Variants in SELENBP1 observed in about 807,000 individuals in gnomAD.
SELENBP1 encodes the protein methanethiol oxidase.
In SELENBP1, 71 loss-of-function variants were observed where a neutral mutation model predicts 61.0. The ratio of observed to expected loss-of-function variants is 1.16; its 90% CI spans 0.96 to 1.42. SELENBP1 has a LOEUF of 1.42. SELENBP1 is among the 40% of genes most tolerant of loss of function. The pLI is 0.00. For missense variants in SELENBP1, 561 were observed against 605.0 expected (o/e 0.93, Z 0.76); for synonymous variants, 270 against 238.9 (o/e 1.13, Z -1.20).
chr1:151,366,962 C>A, intron 5 of SELENBP1, 58 bp from the exon 6 acceptor site: 1 of 1,575,108 alleles, frequency 6.3e-7, no homozygotes, highest in Non-Finnish European at 8.6e-7. Flanking sequence ...TAACCCCACC[C>A]TCCAGCCCTC....
chr1:151,366,142 G>C (rs1651801682), intron 7 of SELENBP1, 133 bp downstream of exon 7: 2 of 1,112,388 alleles, frequency 1.8e-6, no homozygotes, highest in African/African-American at 1.6e-5. Context: ...CTAGCACTGA[G>C]AGAAGAGAGA....
At position 151,366,855 on chromosome 1, in the gene SELENBP1, C is replaced by T; in HGVS notation, c.531G>A (p.Trp177Ter). ...ACGGTGCAGCACCCCCAGGTCTCTCCCATGTCCCCTTCACCTCGAACGTCT... is the reference window on the plus strand; with the variant it reads ...ACGGTGCAGCACCCCCAGGTCTCTCTCATGTCCCCTTCACCTCGAACGTCT... Reference protein sequence around the residue: ...DGETFEVKGTWERPGGAAPLG... With the variant: ...DGETFEVKGT Residue 177 changes from tryptophan to a stop codon, truncating the protein, a stop_gained, in exon 6 of 12, where the codon TGG becomes TGA. Coordinates refer to ENST00000368868, the MANE Select transcript of SELENBP1 (RefSeq NM_003944.4). LOFTEE classifies it high-confidence loss of function. The T allele has an allele frequency of 6.2e-7, 1 of 1,614,174 alleles. No individual in the cohort carries two copies. The highest frequency in any genetic ancestry group is 8.5e-7 in the Non-Finnish European group (1 of 1,180,030).
rs141611452 is a variant in SELENBP1 at position 151,366,277 on chromosome 1, C to T, written c.841G>A (p.Glu281Lys). 6.0e-5 allele frequency: 97 copies of T among 1,612,444 alleles called. No homozygotes were observed. In the African/African-American group the frequency reaches 8.4e-4, roughly 14 times the overall value. The part of the protein sequence containing the change: ...SSTIQRFYKN[E>K]GGTWSVEKVI... The stretch of plus-strand genomic sequence containing the variant: ...GAGGGCCAGAGGGCGTATGTCACCT[C>T]GTTCTTGTAGAAGCGCTGGATGGTG... The change falls in exon 7 of 12, where the codon GAG (glutamate) becomes AAG (lysine). Residue 281 changes from glutamate (E) to lysine (K), a missense_variant and splice_region_variant. Physicochemically the swap from Glu to Lys is moderately conservative, Grantham distance 56. Transcript: ENST00000368868.
rs138818420 is a variant in SELENBP1 at position 151,370,970 on chromosome 1, C to G, written c.5-1201G>C. On this transcript the variant is annotated intron_variant, in intron 1 of 11. Coordinates refer to ENST00000368868, the MANE Select transcript of SELENBP1 (RefSeq NM_003944.4). Reference sequence around the variant, plus strand: ...ACCTGGTTTCAAGTCCCAGTTTTGACGCCCCGTTTCTCCATTTTCTCCTCT... The same window carrying G: ...ACCTGGTTTCAAGTCCCAGTTTTGAGGCCCCGTTTCTCCATTTTCTCCTCT... 8.5e-3 allele frequency among the ~76,000 whole-genome samples: 1,296 copies of G among 152,294 alleles called. 12 individuals carry two copies. The highest frequency in any genetic ancestry group is 0.014 in the Middle Eastern group (4 of 294).
In SELENBP1 at chr1:151,366,280, T is replaced by A. The variant is rs763054207; in HGVS notation, c.838A>T (p.Asn280Tyr). 1.3e-5 allele frequency: 21 copies of A among 1,613,138 alleles called. No individual in the cohort carries two copies. The South Asian group carries it at 2.1e-4, about 16-fold the overall frequency. The change falls in exon 7 of 12, where the codon AAC becomes TAC. Residue 280 changes from asparagine to tyrosine, a missense_variant. Transcript: ENST00000368868. ...LSSTIQRFYK[N>Y]EGGTWSVEKV... is the part of the protein sequence containing the mutation. ...GGCCAGAGGGCGTATGTCACCTCGT[T>A]CTTGTAGAAGCGCTGGATGGTGGAG...
intron 1 of SELENBP1, 26 bp from the exon 2 acceptor site, chr1:151,369,795 C>T: frequency 6.4e-7 from 1 of 1,551,786 alleles, no homozygotes; most frequent in South Asian, 1.2e-5. Context: ...GGCGCATTGG[C>T]TGGGCCACGC....
At position 151,364,320 on chromosome 1, in the gene SELENBP1, G is replaced by A. The variant is rs749823575; in HGVS notation, c.*223C>T. 15 of 573,128 alleles carry A rather than the reference G, an allele frequency of 2.6e-5. No homozygotes were observed. Among genetic ancestry groups the A allele is most frequent in the Admixed American group, 9.8e-5 (3 of 30,712 alleles). 35.5% of individuals were successfully genotyped at this position (573,128 alleles called of 1,614,324 possible). ...AAGGCCATCTGAAGGACAGGGTTACGAGTTTATTTCTTGGTGCCTCCAAGA... is the reference window on the plus strand; with the variant it reads ...AAGGCCATCTGAAGGACAGGGTTACAAGTTTATTTCTTGGTGCCTCCAAGA... On this transcript the variant is annotated 3_prime_UTR_variant, in exon 12 of 12. Coordinates refer to ENST00000368868, the MANE Select transcript of SELENBP1 (RefSeq NM_003944.4).
intron 3 of SELENBP1, 21 bp from the exon 4 acceptor site, chr1:151,369,210 G>A (rs916564285): frequency 3.1e-6 from 5 of 1,600,860 alleles, no homozygotes; most frequent in East Asian, 2.2e-5. Context: ...GGGAGAGGTG[G>A]TGCTCCCCCA....
chr1:151,368,717 C>A (rs1651980509), intron 4 of SELENBP1, among the ~76,000 whole-genome samples: 1 of 152,162 alleles, frequency 6.6e-6, no homozygotes, highest in African/African-American at 2.4e-5. Flanking sequence ...TTTAAGAGAA[C>A]CCTGAGCTCC....
At position 151,366,262 on chromosome 1, in the gene SELENBP1, G is replaced by A; in HGVS notation, c.843+13C>T. The A allele has an allele frequency of 3.7e-6, 6 of 1,609,350 alleles. No individual in the cohort carries two copies. The highest frequency in any genetic ancestry group is 5.1e-6 in the Non-Finnish European group (6 of 1,177,140). ...AGACTACTGGGAGGGGAGGGCCAGAGGGCGTATGTCACCTCGTTCTTGTAG... is the reference window on the plus strand; with the variant it reads ...AGACTACTGGGAGGGGAGGGCCAGAAGGCGTATGTCACCTCGTTCTTGTAG... On this transcript the variant is annotated intron_variant, in intron 7 of 11. Coordinates refer to ENST00000368868, the MANE Select transcript of SELENBP1 (RefSeq NM_003944.4).
chr1:151,371,940 T>G lies in SELENBP1; in HGVS notation c.4+698A>C, dbSNP rs989185518. 2.0e-5 allele frequency among the ~76,000 whole-genome samples: 3 copies of G among 149,228 alleles called. No homozygotes were observed. In the East Asian group the frequency reaches 5.8e-4, roughly 29 times the overall value. ...GGGATGGACTCATGGAAAGCTCAAG[T>G]GGGTTTTCCATGTCAGGCTGGCTGC... On this transcript the variant is annotated intron_variant, in intron 1 of 11. Transcript: ENST00000368868.
At position 151,365,543 on chromosome 1, in the gene SELENBP1, C is replaced by T; in HGVS notation, c.1044+20G>A. On this transcript the variant is annotated intron_variant, in intron 9 of 11. Coordinates refer to ENST00000368868, the MANE Select transcript of SELENBP1 (RefSeq NM_003944.4). Reference sequence around the variant, plus strand: ...TCTCTTTCCTTCCTTCCCTTCTGCTCCTCCTGCCAGGGTCTCCACCTGTCC... The same window carrying T: ...TCTCTTTCCTTCCTTCCCTTCTGCTTCTCCTGCCAGGGTCTCCACCTGTCC... 2 of 1,613,844 alleles carry T rather than the reference C, an allele frequency of 1.2e-6. No homozygotes were observed.
intron 5 of SELENBP1, 125 bp from the exon 6 acceptor site, chr1:151,367,029 T>A: frequency 6.7e-7 from 1 of 1,481,520 alleles, no homozygotes; most frequent in South Asian, 1.4e-5. Context: ...CACTGCTGGA[T>A]TTGCCAGTTC....
chr1:151,370,079 C>A, intron 1 of SELENBP1: 1 of 1,239,760 alleles, frequency 8.1e-7, no homozygotes. Flanking sequence ...GGACTCGGGG[C>A]CCAACCCCAG....
chr1:151,371,926 A>G (rs1652158517), intron 1 of SELENBP1, among the ~76,000 whole-genome samples: 1 of 152,158 alleles, frequency 6.6e-6, no homozygotes, highest in Non-Finnish European at 1.5e-5. Context: ...GGATGGACTC[A>G]TGGAAAGCTC....
In SELENBP1 at chr1:151,365,060, G is replaced by A; in HGVS notation, c.1138-16C>T. 2 of 1,601,304 alleles carry A rather than the reference G, an allele frequency of 1.2e-6. No individual in the cohort carries two copies. Among genetic ancestry groups the A allele is most frequent in the Non-Finnish European group, 1.7e-6 (2 of 1,173,650 alleles). ...CCCGTTTTCCCTTGGGAAAACCAGG[G>A]GTCAGAGCCCAGGGTAACACACAGA... On this transcript the variant is annotated splice_polypyrimidine_tract_variant and intron_variant, in intron 10 of 11. Transcript: ENST00000368868.
At chr1:151,371,582 C>T (rs760608242) in intron 1 of SELENBP1, among the ~76,000 whole-genome samples, 66 of 151,980 alleles carry the variant, frequency 4.3e-4, no homozygotes, top group Non-Finnish European at 8.4e-4. Flanking sequence ...GTTACACAAT[C>T]TTGCTAAGTC....
At chr1:151,365,348 G>T (rs1254235276) in intron 9 of SELENBP1, 67 bp from the exon 10 acceptor site, 2 of 1,527,892 alleles carry the variant, frequency 1.3e-6, no homozygotes, top group Non-Finnish European at 1.8e-6. Flanking sequence ...AGGAAGAGCA[G>T]CTTGCCTGGC....
chr1:151,366,311 T>A lies in SELENBP1; in HGVS notation c.807A>T (p.Ala269=). ...AGAAGCGCTGGATGGTGGAGCTGAG[T>A]GCGCAGCCCACAAAGCCTTGGGCAG... The part of the protein sequence containing the change: ...PDAAQGFVGC[A]LSSTIQRFYK... Residue 269 remains alanine (A), a synonymous_variant, in exon 7 of 12, where the codon GCA becomes GCT. Transcript: ENST00000368868. 6.2e-7 allele frequency: 1 copy of A among 1,613,982 alleles called. No homozygotes were observed. The highest frequency in any genetic ancestry group is 1.1e-5 in the South Asian group (1 of 91,074).
Sources: gnomAD v4.1 joint callset for allele counts (sites outside exome capture counted in the v4.1 genomes callset) on GRCh38, gnomAD v4.1.1 for gene constraint, MANE v1.5 for transcripts, NCBI Gene and HGNC (gene_info 2026-07-23, HGNC 2026-07-21) for gene names.